The following CADPS2 variants were observed in gnomAD, a reference collection of about 807,000 sequenced individuals.
CADPS2 encodes the protein calcium dependent secretion activator 2, also known as calcium-dependent secretion activator 2.
In CADPS2, 93 loss-of-function variants were observed where a neutral mutation model predicts 172.5. The ratio of observed to expected loss-of-function variants is 0.54; its 90% CI spans 0.46 to 0.64. The LOEUF is 0.64. CADPS2 is among the 30% of genes least tolerant of loss of function. The probability of loss-of-function intolerance (pLI) is 0.00; values close to 1 mark genes in which losing one functional copy is unlikely to be tolerated. For synonymous variants in CADPS2, 546 were observed against 555.2 expected, an observed-to-expected ratio of 0.98 and a Z score of 0.23; for missense variants, 1,420 against 1,565.9, an observed-to-expected ratio of 0.91 and a Z score of 1.57.
At chr7:122,673,333 A>G (rs1186839603) in intron 2 of CADPS2, among the ~76,000 whole-genome samples, 1 of 152,116 alleles carries the variant, frequency 6.6e-6, no homozygotes, top group Admixed American at 6.5e-5. Flanking sequence ...TTTACAGAGA[A>G]CTGATTGGTC....
intron 8 of CADPS2, among the ~76,000 whole-genome samples, chr7:122,519,580 C>A (rs377312547): frequency 1.3e-5 from 2 of 151,832 alleles, no homozygotes; most frequent in African/African-American, 4.8e-5. Context: ...TTATTTCAAA[C>A]GGAGAGCACT....
At chr7:122,454,523 C>T (rs1223411337) in intron 14 of CADPS2, among the ~76,000 whole-genome samples, 1 of 152,170 alleles carries the variant, frequency 6.6e-6, no homozygotes, top group Admixed American at 6.5e-5. Context: ...ATTTTGAATA[C>T]CCTTACATTA....
At chr7:122,662,084 A>G (rs2080618168) in intron 3 of CADPS2, among the ~76,000 whole-genome samples, 1 of 152,210 alleles carries the variant, frequency 6.6e-6, no homozygotes, top group Non-Finnish European at 1.5e-5. Flanking sequence ...ATGATCCACA[A>G]ATTACCAATG....
intron 7 of CADPS2, among the ~76,000 whole-genome samples, chr7:122,567,264 T>C (rs543379429): frequency 6.6e-6 from 1 of 152,250 alleles, no homozygotes; most frequent in South Asian, 2.1e-4. Context: ...ACTTAGGAAG[T>C]ACAGTTTGCA....
At position 122,393,174 on chromosome 7, in the gene CADPS2, GA is replaced by G. The variant is rs370306205; in HGVS notation, c.3008+21del. 1.0e-3 allele frequency: 1,690 copies of G among 1,611,424 alleles called. 26 individuals carry two copies. In the East Asian group the frequency reaches 0.013, roughly 13 times the overall value. On this transcript the variant is annotated intron_variant, in intron 22 of 29. Transcript: ENST00000449022. ...CATGCACCAGCTAACACACCACCAG[GA>G]AATAAGTGAGGAATACACACGTGGA...
chr7:122,382,331 T>A (rs1260338069), intron 24 of CADPS2: 1 of 152,176 alleles, frequency 6.6e-6, no homozygotes, highest in African/African-American at 2.4e-5. Flanking sequence ...GTAATATTTG[T>A]GTGTGCACGC....
chr7:122,627,159 T>C lies in CADPS2; in HGVS notation c.867+2089A>G, dbSNP rs181731621. 4.8e-3 allele frequency among the ~76,000 whole-genome samples: 732 copies of C among 152,326 alleles called. 24 individuals carry two copies. The highest frequency in any genetic ancestry group is 1.9e-3 in the Admixed American group (29 of 15,298). On this transcript the variant is annotated intron_variant, in intron 4 of 29. Coordinates refer to ENST00000449022, the MANE Select transcript of CADPS2 (RefSeq NM_017954.11). Reference sequence around the variant, plus strand: ...GAGGCCTGCCTCAGCCACTTATTTGTTATGTAATCATGGTGAAATAAATAA... The same window carrying C: ...GAGGCCTGCCTCAGCCACTTATTTGCTATGTAATCATGGTGAAATAAATAA...
intron 20 of CADPS2, among the ~76,000 whole-genome samples, chr7:122,403,956 T>A (rs2046288381): frequency 6.6e-6 from 1 of 152,224 alleles, no homozygotes; most frequent in African/African-American, 2.4e-5. Flanking sequence ...ATATTCATCA[T>A]CTTACCTAAT....
intron 14 of CADPS2, among the ~76,000 whole-genome samples, chr7:122,452,530 G>A (rs1193275422): frequency 6.6e-6 from 1 of 152,058 alleles, no homozygotes; most frequent in Non-Finnish European, 1.5e-5. Flanking sequence ...TGAGCAGCTG[G>A]GATTACAGGC....
chr7:122,676,748 T>C, intron 2 of CADPS2: 2 of 1,382,782 alleles, frequency 1.4e-6, no homozygotes, highest in Non-Finnish European at 2.0e-6. Flanking sequence ...CAGATCCAGA[T>C]TATCATGGAG....
intron 25 of CADPS2, among the ~76,000 whole-genome samples, chr7:122,364,853 A>G (rs1251848331): frequency 6.6e-6 from 1 of 152,196 alleles, no homozygotes; most frequent in Admixed American, 6.5e-5. Flanking sequence ...AGTGGGAGAG[A>G]TAGACATGAA....
intron 3 of CADPS2, among the ~76,000 whole-genome samples, chr7:122,637,503 C>A (rs1180618468): frequency 6.6e-6 from 1 of 152,124 alleles, no homozygotes; most frequent in Non-Finnish European, 1.5e-5. Flanking sequence ...TTCTTCAATT[C>A]CAGAAGTTCA....
intron 4 of CADPS2, among the ~76,000 whole-genome samples, chr7:122,622,848 A>G (rs1483214654): frequency 6.6e-6 from 1 of 152,130 alleles, no homozygotes; most frequent in Non-Finnish European, 1.5e-5. Context: ...CTGCATGTGT[A>G]GTACAATTTG....
intron 1 of CADPS2, among the ~76,000 whole-genome samples, chr7:122,831,127 G>C (rs1348353417): frequency 6.6e-6 from 1 of 152,144 alleles, no homozygotes; most frequent in Non-Finnish European, 1.5e-5. Context: ...TGACCTACAA[G>C]AAAGTCAGCC....
intron 1 of CADPS2, among the ~76,000 whole-genome samples, chr7:122,818,637 G>T (rs1343446114): frequency 3.3e-5 from 5 of 152,020 alleles, no homozygotes; most frequent in African/African-American, 9.7e-5. Flanking sequence ...TTCTTCCTCA[G>T]CATCTGCTCC....
chr7:122,885,480 T>C (rs984366095), intron 1 of CADPS2, among the ~76,000 whole-genome samples: 1 of 152,166 alleles, frequency 6.6e-6, no homozygotes, highest in Non-Finnish European at 1.5e-5. Flanking sequence ...CGTATTAATT[T>C]AACTTTTTTA....
intron 20 of CADPS2, among the ~76,000 whole-genome samples, chr7:122,404,525 GT>G (rs1473410712): frequency 6.6e-6 from 1 of 152,108 alleles, no homozygotes; most frequent in African/African-American, 2.4e-5. Flanking sequence ...CGATTGCTGG[GT>G]CAAATAGTAT....
intron 22 of CADPS2, among the ~76,000 whole-genome samples, chr7:122,389,874 G>A (rs2044151178): frequency 2.6e-5 from 4 of 151,790 alleles, no homozygotes; most frequent in Non-Finnish European, 5.9e-5. Context: ...TTCTGCACAT[G>A]TATCCCAGAA....
At chr7:122,765,967 G>A (rs1341411932) in intron 1 of CADPS2, among the ~76,000 whole-genome samples, 1 of 152,064 alleles carries the variant, frequency 6.6e-6, no homozygotes, top group Non-Finnish European at 1.5e-5. Context: ...CAGAATACCT[G>A]ACACTGGGTA....
Sources: allele counts gnomAD v4.1 joint callset (sites outside exome capture counted in the v4.1 genomes callset), GRCh38; gene constraint gnomAD v4.1.1; transcripts MANE v1.5; gene names NCBI Gene and HGNC (gene_info 2026-07-23, HGNC 2026-07-21).